Variants in ANKS1B observed in about 807,000 individuals in gnomAD.
The protein encoded by ANKS1B is ankyrin repeat and sterile alpha motif domain containing 1B, also known as ankyrin repeat and sterile alpha motif domain-containing protein 1B.
A neutral mutation model predicts 148.3 loss-of-function variants in ANKS1B; 36 were observed. The observed-to-expected ratio is 0.24, with a 90% CI of 0.19 to 0.32. ANKS1B has a LOEUF of 0.32. ANKS1B is among the 10% of genes least tolerant of loss of function. ANKS1B has a pLI of 1.00. For synonymous variants in ANKS1B, 542 were observed against 560.8 expected, an observed-to-expected ratio of 0.97 and a Z score of 0.47; for missense variants, 1,157 against 1,542.6, an observed-to-expected ratio of 0.75 and a Z score of 4.19.
At chr12:99,648,634 C>A in intron 9 of ANKS1B, 1 of 1,614,222 alleles carries the variant, frequency 6.2e-7, no homozygotes, top group Non-Finnish European at 8.5e-7. Context: ...TCAGCTGTGT[C>A]CTCCATCGGA....
chr12:99,422,617 A>G (rs893688206), intron 11 of ANKS1B, among the ~76,000 whole-genome samples: 3 of 152,204 alleles, frequency 2.0e-5, no homozygotes, highest in Admixed American at 6.5e-5. Context: ...GCAGGAAAAG[A>G]TACAGACAGC....
intron 10 of ANKS1B, among the ~76,000 whole-genome samples, chr12:99,483,884 C>G (rs2096450989): frequency 6.6e-6 from 1 of 151,968 alleles, no homozygotes; most frequent in Non-Finnish European, 1.5e-5. Flanking sequence ...TTTGAATCTT[C>G]TCTCTTCCTC....
chr12:99,255,997 T>C (rs961618081), intron 12 of ANKS1B, among the ~76,000 whole-genome samples: 10 of 152,176 alleles, frequency 6.6e-5, no homozygotes, highest in African/African-American at 2.2e-4. Flanking sequence ...GAGTGAGGTG[T>C]GTTGAAACCT....
intron 14 of ANKS1B, among the ~76,000 whole-genome samples, chr12:99,173,573 A>G (rs2078039197): frequency 6.6e-6 from 1 of 152,212 alleles, no homozygotes. Context: ...AGCTGGCTTA[A>G]AAATGTTGAA....
At chr12:99,120,303 T>A (rs940295366) in intron 15 of ANKS1B, among the ~76,000 whole-genome samples, 2 of 152,166 alleles carry the variant, frequency 1.3e-5, no homozygotes, top group African/African-American at 2.4e-5. Context: ...ATTTTTTTTC[T>A]TATCAACATC....
intron 8 of ANKS1B, among the ~76,000 whole-genome samples, chr12:99,671,453 T>G (rs1286255238): frequency 6.6e-6 from 1 of 152,174 alleles, no homozygotes; most frequent in African/African-American, 2.4e-5. Flanking sequence ...CCCCCATTAT[T>G]AAATAGCAAT....
intron 9 of ANKS1B, among the ~76,000 whole-genome samples, chr12:99,652,096 T>C (rs201160427): frequency 1.4e-5 from 2 of 143,188 alleles, no homozygotes; most frequent in East Asian, 2.0e-4. Flanking sequence ...TACACACACA[T>C]ATACACACAC....
intron 12 of ANKS1B, among the ~76,000 whole-genome samples, chr12:99,316,909 C>T (rs1460710326): frequency 7.2e-5 from 11 of 152,150 alleles, no homozygotes. Context: ...TTTCCCAGCA[C>T]CATTTATTAA....
intron 12 of ANKS1B, among the ~76,000 whole-genome samples, chr12:99,365,762 G>A (rs569802032): frequency 2.0e-5 from 3 of 151,988 alleles, no homozygotes; most frequent in South Asian, 2.1e-4. Flanking sequence ...CAGAAGTGGC[G>A]GTCTCTATCA....
chr12:99,011,391 A>G (rs1055337865), intron 17 of ANKS1B, among the ~76,000 whole-genome samples: 25 of 152,248 alleles, frequency 1.6e-4, no homozygotes, highest in Non-Finnish European at 2.9e-4. Context: ...TGAGTAAAAT[A>G]ACCGCAGAAT....
chr12:98,809,478 T>C (rs1306042481), intron 19 of ANKS1B, among the ~76,000 whole-genome samples: 2 of 152,042 alleles, frequency 1.3e-5, no homozygotes, highest in Non-Finnish European at 2.9e-5. Flanking sequence ...TAGAAGTGCT[T>C]CTAGCACTTC....
chr12:99,817,327 G>A (rs1399468934), intron 2 of ANKS1B, among the ~76,000 whole-genome samples: 1 of 151,496 alleles, frequency 6.6e-6, no homozygotes, highest in Non-Finnish European at 1.5e-5. Flanking sequence ...CATCCATGTT[G>A]CTGCAAGTGA....
intron 7 of ANKS1B, 33 bp downstream of exon 7, chr12:99,775,515 A>G (rs2063571855): frequency 1.4e-6 from 2 of 1,442,198 alleles, no homozygotes; most frequent in Non-Finnish European, 2.0e-6. Context: ...CAAGTCTAGT[A>G]TAGATTCCAG....
At chr12:99,697,383 C>T (rs2054095723) in intron 8 of ANKS1B, among the ~76,000 whole-genome samples, 2 of 151,994 alleles carry the variant, frequency 1.3e-5, no homozygotes, top group South Asian at 4.1e-4. Flanking sequence ...TATATCCATG[C>T]AATGAAAAAT....
At chr12:99,236,875 C>CACTT (rs1300407846) in intron 14 of ANKS1B, among the ~76,000 whole-genome samples, 2 of 152,122 alleles carry the variant, frequency 1.3e-5, no homozygotes, top group Non-Finnish European at 2.9e-5. Flanking sequence ...TGCATGTTCT[C>CACTT]ACTTATAAGT....
At chr12:99,424,641 A>G (rs2095200590) in intron 11 of ANKS1B, among the ~76,000 whole-genome samples, 1 of 148,500 alleles carries the variant, frequency 6.7e-6, no homozygotes, top group Non-Finnish European at 1.5e-5. Context: ...ACACACACAC[A>G]CACACATACA....
chr12:99,241,483 G>A (rs1159720307), intron 14 of ANKS1B, among the ~76,000 whole-genome samples: 1 of 152,182 alleles, frequency 6.6e-6, no homozygotes, highest in Non-Finnish European at 1.5e-5. Context: ...AGAGGAACTG[G>A]TACCATTCCT....
intron 8 of ANKS1B, among the ~76,000 whole-genome samples, chr12:99,684,516 T>G (rs1157421751): frequency 6.6e-6 from 1 of 151,954 alleles, no homozygotes; most frequent in Non-Finnish European, 1.5e-5. Context: ...TGCTCATGAA[T>G]GGGTAGTATC....
At chr12:99,304,082 C>T in intron 12 of ANKS1B, among the ~76,000 whole-genome samples, 1 of 152,094 alleles carries the variant, frequency 6.6e-6, no homozygotes, top group East Asian at 1.9e-4. Context: ...CATGCATGTG[C>T]AAGTGTCCTT....
Sources: allele counts gnomAD v4.1 joint callset (sites outside exome capture counted in the v4.1 genomes callset), GRCh38; gene constraint gnomAD v4.1.1; transcripts MANE v1.5; gene names NCBI Gene and HGNC (gene_info 2026-07-23, HGNC 2026-07-21).